The following BRINP1 variants were observed in gnomAD, a reference collection of about 807,000 sequenced individuals.
BRINP1 encodes BMP/retinoic acid inducible neural specific 1.
BRINP1 carries 17 observed loss-of-function variants against 72.9 expected under a neutral mutation model. The ratio of observed to expected loss-of-function variants is 0.23; its 90% confidence interval spans 0.16 to 0.35. The LOEUF (loss-of-function observed/expected upper bound fraction) is 0.35, where lower values mean the gene tolerates loss of function less well. Ranked by LOEUF, BRINP1 falls within the 10% of genes least tolerant of loss-of-function variation. The probability of loss-of-function intolerance (pLI) is 1.00; values close to 1 mark genes in which losing one functional copy is unlikely to be tolerated. For missense variants in BRINP1, 850 were observed against 1,001.6 expected (o/e 0.85, Z 2.04); for synonymous variants, 418 against 378.5 (o/e 1.10, Z -1.21).
intron 1 of BRINP1, among the ~76,000 whole-genome samples, chr9:119,314,841 T>C (rs778519953): frequency 2.6e-5 from 4 of 152,146 alleles, no homozygotes; most frequent in South Asian, 2.1e-4. Context: ...TTAAACGACA[T>C]AATTGCTCCC....
intron 2 of BRINP1, among the ~76,000 whole-genome samples, chr9:119,278,081 T>C (rs1185086234): frequency 6.6e-6 from 1 of 152,250 alleles, no homozygotes; most frequent in Non-Finnish European, 1.5e-5. Context: ...GTCTTTTCCC[T>C]ACTGTTTTTC....
chr9:119,258,944 T>A (rs1830471492), intron 2 of BRINP1, among the ~76,000 whole-genome samples: 1 of 152,228 alleles, frequency 6.6e-6, no homozygotes, highest in Non-Finnish European at 1.5e-5. Context: ...TAGTCTGGGA[T>A]CTTCCTTGTT....
chr9:119,213,980 C>T lies in BRINP1; in HGVS notation c.861G>A (p.Glu287=), dbSNP rs1357479018. Residue 287 remains glutamate, a synonymous_variant, in exon 6 of 8, where the codon GAG becomes GAA. Coordinates refer to ENST00000265922, the MANE Select transcript of BRINP1 (RefSeq NM_014618.3). ...NCPITDIQIM[E]YTLANMAKSW... Reference sequence around the variant, plus strand: ...ACTTGGCCATGTTGGCCAGCGTGTACTCCATGATCTGGATGTCCGTGATGG... The same window carrying T: ...ACTTGGCCATGTTGGCCAGCGTGTATTCCATGATCTGGATGTCCGTGATGG... The T allele has an allele frequency of 1.9e-6, 3 of 1,614,058 alleles. No homozygotes were observed. The highest frequency in any genetic ancestry group is 2.5e-6 in the Non-Finnish European group (3 of 1,180,044).
intron 1 of BRINP1, among the ~76,000 whole-genome samples, chr9:119,345,713 T>C (rs1318001415): frequency 6.6e-6 from 1 of 152,184 alleles, no homozygotes; most frequent in African/African-American, 2.4e-5. Flanking sequence ...AGCAGAAACT[T>C]GCACCCAAGT....
intron 2 of BRINP1, among the ~76,000 whole-genome samples, chr9:119,304,069 G>T (rs137921272): frequency 3.3e-5 from 5 of 151,862 alleles, no homozygotes; most frequent in African/African-American, 1.2e-4. Flanking sequence ...TAGTAGAGAT[G>T]AAGTTTCACC....
intron 2 of BRINP1, among the ~76,000 whole-genome samples, chr9:119,264,216 C>T (rs2118940397): frequency 6.6e-6 from 1 of 152,236 alleles, no homozygotes; most frequent in Admixed American, 6.5e-5. Context: ...TCATTTTTTC[C>T]CCTTTCCAAT....
chr9:119,355,056 T>G (rs1269109747), intron 1 of BRINP1, among the ~76,000 whole-genome samples: 1 of 152,200 alleles, frequency 6.6e-6, no homozygotes. Context: ...CTCCTGTTCC[T>G]ACGACAAATT....
chr9:119,278,277 C>T (rs531037113), intron 2 of BRINP1, among the ~76,000 whole-genome samples: 3 of 152,302 alleles, frequency 2.0e-5, no homozygotes, highest in South Asian at 2.1e-4. Context: ...CTGCCTCTCT[C>T]CCACAGCCCT....
In BRINP1 at chr9:119,275,683, T is replaced by C. The variant is rs190081252; in HGVS notation, c.219-26533A>G. On this transcript the variant is annotated intron_variant, in intron 2 of 7. Coordinates refer to ENST00000265922, the MANE Select transcript of BRINP1 (RefSeq NM_014618.3). ...CTCAAAAGGAGAAAATCTCCAGTAA[T>C]ACCTATAGTGCTGTTTTCACTAGTT... Among the ~76,000 whole-genome samples the C allele has an allele frequency of 2.2e-3, 330 of 152,342 alleles. 10 individuals carry two copies. Among genetic ancestry groups the C allele is most frequent in the Non-Finnish European group, 1.0e-4 (7 of 68,032 alleles).
chr9:119,245,937 G>C (rs1018062463), intron 3 of BRINP1, among the ~76,000 whole-genome samples: 12 of 152,190 alleles, frequency 7.9e-5, no homozygotes, highest in Non-Finnish European at 1.5e-5. Flanking sequence ...CATCTAGTGA[G>C]TAGCAGAATT....
intron 7 of BRINP1, among the ~76,000 whole-genome samples, chr9:119,200,236 T>A (rs1185559807): frequency 6.6e-6 from 1 of 152,194 alleles, no homozygotes. Flanking sequence ...GGTAGGAAGT[T>A]ATAAGAACAA....
chr9:119,335,244 A>G (rs997529389), intron 1 of BRINP1, among the ~76,000 whole-genome samples: 3 of 152,184 alleles, frequency 2.0e-5, no homozygotes, highest in African/African-American at 7.2e-5. Flanking sequence ...TGGTGAGTGC[A>G]GCAAGCACTG....
chr9:119,285,225 G>A (rs112858564), intron 2 of BRINP1, among the ~76,000 whole-genome samples: 93 of 149,964 alleles, frequency 6.2e-4, no homozygotes, highest in Non-Finnish European at 1.1e-3. Flanking sequence ...AAAAAAATAG[G>A]TTGTAGAGAA....
rs150342052 is a variant in BRINP1 at position 119,242,164 on chromosome 9, T to G, written c.462A>C (p.Ser154=). 1 of 1,614,172 alleles carries G rather than the reference T, an allele frequency of 6.2e-7. No individual in the cohort carries two copies. The highest frequency in any genetic ancestry group is 1.1e-5 in the South Asian group (1 of 91,082). ...YMDKSRLDRK[S]GNATQSVEAL... ...CTTCAACACTTTGAGTGGCATTCCC[T>G]GACTTCCTGTCGAGGCGACTTTTGT... Residue 154 remains serine, a synonymous_variant, in exon 4 of 8, where the codon TCA becomes TCC. Coordinates refer to ENST00000265922, the MANE Select transcript of BRINP1 (RefSeq NM_014618.3).
intron 2 of BRINP1, among the ~76,000 whole-genome samples, chr9:119,291,250 A>C (rs1225940561): frequency 6.6e-6 from 1 of 152,176 alleles, no homozygotes; most frequent in East Asian, 1.9e-4. Context: ...CTTCTCCATC[A>C]AGATTCCGTT....
intron 2 of BRINP1, among the ~76,000 whole-genome samples, chr9:119,303,180 C>A: frequency 6.6e-6 from 1 of 152,088 alleles, no homozygotes; most frequent in East Asian, 1.9e-4. Flanking sequence ...GAGGCTGTCA[C>A]AAGTGCTCAG....
At chr9:119,176,087 A>G (rs1054646993) in intron 7 of BRINP1, among the ~76,000 whole-genome samples, 3 of 152,220 alleles carry the variant, frequency 2.0e-5, no homozygotes, top group East Asian at 1.9e-4. Context: ...TAAGAGCTCA[A>G]TAAAAGCGGT....
At chr9:119,170,531 A>C (rs1829393298) in intron 7 of BRINP1, among the ~76,000 whole-genome samples, 1 of 152,134 alleles carries the variant, frequency 6.6e-6, no homozygotes, top group African/African-American at 2.4e-5. Context: ...TGATGGGGAG[A>C]ATGGAAACAA....
chr9:119,252,630 G>A (rs545823582), intron 2 of BRINP1, among the ~76,000 whole-genome samples: 11 of 151,600 alleles, frequency 7.3e-5, no homozygotes, highest in East Asian at 3.9e-4. Flanking sequence ...GAACACACCC[G>A]TATTCCTTAA....
Sources: gnomAD v4.1 joint callset for allele counts (sites outside exome capture counted in the v4.1 genomes callset) on GRCh38, gnomAD v4.1.1 for gene constraint, MANE v1.5 for transcripts, NCBI Gene and HGNC (gene_info 2026-07-23, HGNC 2026-07-21) for gene names.